The following SULT2B1 variants were observed in gnomAD, a reference collection of about 807,000 sequenced individuals.
SULT2B1 encodes the protein sulfotransferase 2B1.
In SULT2B1, 16 loss-of-function variants were observed where a neutral mutation model predicts 33.2. The ratio of observed to expected loss-of-function variants is 0.48; its 90% CI spans 0.33 to 0.73. The LOEUF (loss-of-function observed/expected upper bound fraction) is 0.73. SULT2B1 is among the 30% of genes least tolerant of loss of function. SULT2B1 has a pLI of 0.02. For missense variants in SULT2B1, 500 were observed against 506.0 expected (o/e 0.99, Z 0.11); for synonymous variants, 186 against 200.5 (o/e 0.93, Z 0.61).
At chr19:48,561,326 G>C (rs1210218387) in intron 1 of SULT2B1, among the ~76,000 whole-genome samples, 1 of 151,882 alleles carries the variant, frequency 6.6e-6, no homozygotes, top group African/African-American at 2.4e-5. Flanking sequence ...TACTCTGCGA[G>C]GCTGAGGCAG....
Position 48,556,336 on chromosome 19 carries a change from T to C in SULT2B1, c.71+4013T>C, listed in dbSNP as rs183395292. On this transcript the variant is annotated intron_variant, in intron 1 of 6. Coordinates refer to ENST00000201586, the MANE Select transcript of SULT2B1 (RefSeq NM_177973.2). ...ATAGGAAATGAATGTAGGAAATCTG[T>C]GAAAAGGACGTCAAGAATGAATGAA... Among the ~76,000 whole-genome samples, 89 of 152,144 alleles carry C rather than the reference T, an allele frequency of 5.8e-4. 1 individual carries two copies. Among genetic ancestry groups the C allele is most frequent in the African/African-American group, 2.0e-3 (81 of 41,516 alleles).
At chr19:48,594,728 G>A (rs1471558022) in intron 5 of SULT2B1, among the ~76,000 whole-genome samples, 16 of 152,188 alleles carry the variant, frequency 1.1e-4, no homozygotes, top group Non-Finnish European at 1.5e-5. Flanking sequence ...CATATCAGAA[G>A]GTAGTGATGG....
intron 1 of SULT2B1, among the ~76,000 whole-genome samples, chr19:48,556,440 A>G (rs1008477064): frequency 6.6e-6 from 1 of 152,008 alleles, no homozygotes; most frequent in African/African-American, 2.4e-5. Context: ...GAGGAGGGGC[A>G]GGGAGTGCTG....
At chr19:48,569,489 G>A (rs1167036973) in intron 1 of SULT2B1, among the ~76,000 whole-genome samples, 2 of 150,890 alleles carry the variant, frequency 1.3e-5, no homozygotes, top group Admixed American at 1.3e-4. Flanking sequence ...GGAGGCTGAG[G>A]TGGGAGGATC....
Position 48,576,361 on chromosome 19 carries a change from T to C in SULT2B1, c.214+278T>C, listed in dbSNP as rs990207126. On this transcript the variant is annotated intron_variant, in intron 2 of 6. Coordinates refer to ENST00000201586, the MANE Select transcript of SULT2B1 (RefSeq NM_177973.2). ...TTTCCCCTTTACCCTCTACTTCTCT[T>C]TTTTTTTTTTTTTTTTGTAGAGATG... Among the ~76,000 whole-genome samples, 15 of 112,562 alleles carry C rather than the reference T, an allele frequency of 1.3e-4. 1 individual carries two copies. Among genetic ancestry groups the C allele is most frequent in the Middle Eastern group, 4.0e-3 (1 of 248 alleles). The allele number at this position is 112,562 out of a possible 152,430, so 73.8% of individuals were successfully genotyped here.
intron 1 of SULT2B1, among the ~76,000 whole-genome samples, chr19:48,556,829 A>C (rs531911562): frequency 6.6e-6 from 1 of 151,954 alleles, no homozygotes; most frequent in Admixed American, 6.6e-5. Flanking sequence ...ACACACCTGT[A>C]ATCTCAGCTA....
At chr19:48,576,364 T>TTTC (rs1973408890) in intron 2 of SULT2B1, among the ~76,000 whole-genome samples, 1 of 56,536 alleles carries the variant, frequency 1.8e-5, no homozygotes, top group Non-Finnish European at 3.6e-5. Context: ...CTTCTCTTTT[T>TTTC]TTTTTTTTTT....
intron 1 of SULT2B1, among the ~76,000 whole-genome samples, chr19:48,559,416 G>T (rs1973146451): frequency 6.6e-6 from 1 of 152,114 alleles, no homozygotes; most frequent in South Asian, 2.1e-4. Context: ...TGTCGCCCAG[G>T]CTGGAGAGCA....
chr19:48,571,901 C>G (rs1973334689), intron 1 of SULT2B1, among the ~76,000 whole-genome samples: 1 of 152,064 alleles, frequency 6.6e-6, no homozygotes, highest in African/African-American at 2.4e-5. Context: ...GCATGAGGCA[C>G]CATGCCCGGC....
chr19:48,569,361 A>AAAAAAAAT (rs1568405757), intron 1 of SULT2B1, among the ~76,000 whole-genome samples: 4 of 9,968 alleles, frequency 4.0e-4, no homozygotes, highest in African/African-American at 1.9e-3. Context: ...AAAAAAAAAA[A>AAAAAAAAT]ACATATATAT....
intron 1 of SULT2B1, among the ~76,000 whole-genome samples, chr19:48,568,129 T>C (rs968798807): frequency 6.6e-6 from 1 of 151,450 alleles, no homozygotes; most frequent in Admixed American, 6.6e-5. Flanking sequence ...AAGAATTAGC[T>C]GAGTGTGGTG....
intron 2 of SULT2B1, among the ~76,000 whole-genome samples, chr19:48,579,644 T>C (rs1324903702): frequency 2.8e-5 from 4 of 144,732 alleles, no homozygotes; most frequent in African/African-American, 7.6e-5. Flanking sequence ...CTCGCTCTTG[T>C]CCCCCAGGCT....
intron 2 of SULT2B1, among the ~76,000 whole-genome samples, chr19:48,577,426 C>T (rs549424054): frequency 3.0e-4 from 37 of 123,418 alleles, no homozygotes; most frequent in African/African-American, 1.1e-3. Context: ...AGTGCAGTGG[C>T]GTGATCTCGG....
At chr19:48,590,192 T>G (rs913777578) in intron 3 of SULT2B1, among the ~76,000 whole-genome samples, 2 of 151,952 alleles carry the variant, frequency 1.3e-5, no homozygotes, top group Non-Finnish European at 2.9e-5. Context: ...TTTCACCATG[T>G]TGACCAGGCT....
In SULT2B1 at chr19:48,590,368, G is replaced by A. The variant is rs141281482; in HGVS notation, c.424-1241G>A. 8.3e-3 allele frequency among the ~76,000 whole-genome samples: 1,257 copies of A among 152,128 alleles called. 16 individuals carry two copies. Among genetic ancestry groups the A allele is most frequent in the African/African-American group, 0.028 (1,168 of 41,530 alleles). On this transcript the variant is annotated intron_variant, in intron 3 of 6. Coordinates refer to ENST00000201586, the MANE Select transcript of SULT2B1 (RefSeq NM_177973.2). ...TGTAATCCCAGCACTTGGGGAGGCC[G>A]AAGCAGATGGATCACTTGAGGCCGG... is the stretch of plus-strand genomic sequence containing the variant.
chr19:48,592,910 G>A (rs4802495), intron 5 of SULT2B1, 94 bp downstream of exon 5: 51,125 of 1,076,490 alleles, frequency 0.047, 2,581 homozygotes, highest in East Asian at 0.26. Context: ...GGACCCCTCC[G>A]CTTCCCCATG....
chr19:48,553,852 T>A (rs1973058330), intron 1 of SULT2B1, among the ~76,000 whole-genome samples: 1 of 152,188 alleles, frequency 6.6e-6, no homozygotes, highest in African/African-American at 2.4e-5. Flanking sequence ...CATTGTCTAA[T>A]CCAGGACTTC....
chr19:48,572,095 C>T (rs1479076523), intron 1 of SULT2B1, among the ~76,000 whole-genome samples: 3 of 152,138 alleles, frequency 2.0e-5, no homozygotes, highest in African/African-American at 7.2e-5. Context: ...GGTGGCTCCC[C>T]TCCTGGTGCC....
chr19:48,556,256 C>T (rs1261765360), intron 1 of SULT2B1, among the ~76,000 whole-genome samples: 2 of 152,150 alleles, frequency 1.3e-5, no homozygotes, highest in Non-Finnish European at 2.9e-5. Context: ...TCCCTGATCA[C>T]GCTGGTCTAG....
Sources: allele counts gnomAD v4.1 joint callset (sites outside exome capture counted in the v4.1 genomes callset), GRCh38; gene constraint gnomAD v4.1.1; transcripts MANE v1.5; gene names NCBI Gene and HGNC (gene_info 2026-07-23, HGNC 2026-07-21).